Variants in PTPRN2 observed in about 807,000 individuals in gnomAD.
PTPRN2 encodes protein tyrosine phosphatase receptor type N2, also known as receptor-type tyrosine-protein phosphatase N2.
Under a neutral mutation model 118.8 loss-of-function variants are expected in PTPRN2, and 74 were observed. The ratio of observed to expected loss-of-function variants is 0.62; its 90% CI spans 0.52 to 0.76. The LOEUF (loss-of-function observed/expected upper bound fraction) is 0.76, where lower values mean the gene tolerates loss of function less well. Among genes scored for constraint, PTPRN2 ranks in the 30% least tolerant of loss-of-function variants. The pLI, the probability that PTPRN2 is intolerant of heterozygous loss-of-function variation, is 0.00. For missense variants in PTPRN2, 1,481 were observed against 1,394.4 expected (o/e 1.06, Z -0.99); for synonymous variants, 641 against 608.0 (o/e 1.05, Z -0.80).
At chr7:158,257,100 G>A (rs1465590930) in intron 3 of PTPRN2, among the ~76,000 whole-genome samples, 1 of 152,268 alleles carries the variant, frequency 6.6e-6, no homozygotes, top group Middle Eastern at 3.4e-3. Flanking sequence ...TTGAAATGGA[G>A]TTGAATGAGG....
intron 2 of PTPRN2, among the ~76,000 whole-genome samples, chr7:158,385,199 C>T (rs1243507436): frequency 6.6e-6 from 1 of 152,156 alleles, no homozygotes; most frequent in African/African-American, 2.4e-5. Context: ...CCAATCATAC[C>T]ACACTATGTG....
At chr7:157,823,500 T>C (rs1239442217) in intron 12 of PTPRN2, among the ~76,000 whole-genome samples, 2 of 152,356 alleles carry the variant, frequency 1.3e-5, no homozygotes, top group East Asian at 3.9e-4. Context: ...ACAGCTGGAC[T>C]CCATCTATTA....
At chr7:158,075,427 T>C (rs1812264262) in intron 11 of PTPRN2, among the ~76,000 whole-genome samples, 1 of 152,044 alleles carries the variant, frequency 6.6e-6, no homozygotes, top group Non-Finnish European at 1.5e-5. Context: ...TGGGAGTTCT[T>C]GTTCCATGTC....
intron 12 of PTPRN2, among the ~76,000 whole-genome samples, chr7:157,800,588 T>C (rs1323305773): frequency 2.0e-5 from 3 of 152,230 alleles, no homozygotes; most frequent in African/African-American, 4.8e-5. Flanking sequence ...CTCTTGTACC[T>C]TGTTCACTTA....
Position 158,146,337 on chromosome 7 carries a change from G to A in PTPRN2, c.911-7822C>T, listed in dbSNP as rs147491369. Among the ~76,000 whole-genome samples the A allele has an allele frequency of 8.0e-3, 1,211 of 152,174 alleles. 21 individuals are homozygous for A. The highest frequency in any genetic ancestry group is 0.027 in the African/African-American group (1,121 of 41,520). On this transcript the variant is annotated intron_variant, in intron 6 of 22. Transcript: ENST00000389418. ...TCATTAAAGTCAAAGCCCAGTCTCC[G>A]TCCATCCCTCCACCCACTAACCTAC...
At chr7:158,045,793 G>T (rs1202793426) in intron 11 of PTPRN2, among the ~76,000 whole-genome samples, 1 of 150,666 alleles carries the variant, frequency 6.6e-6, no homozygotes, top group Non-Finnish European at 1.5e-5. Context: ...TCCAGGAGCA[G>T]AACCTGCGAT....
At position 158,134,012 on chromosome 7, in the gene PTPRN2, C is replaced by T; in HGVS notation, c.1221G>A (p.Gly407=). 4 of 1,614,008 alleles carry T rather than the reference C, an allele frequency of 2.5e-6. No individual in the cohort carries two copies. Among genetic ancestry groups the T allele is most frequent in the Non-Finnish European group, 3.4e-6 (4 of 1,180,042 alleles). The change falls in exon 9 of 23, where the codon GGG becomes GGA. Residue 407 remains glycine, a synonymous_variant. Coordinates refer to ENST00000389418, the MANE Select transcript of PTPRN2 (RefSeq NM_002847.5). ...GGAGGGCTCCAGGTAAGAGTCGAGA[C>T]CCGTGGTCCTGCAGGAGGCCCCCGA... ...ATLGGLLQDH[G]SRLLPGALPF... is the part of the protein sequence containing the mutation.
chr7:158,004,130 C>T (rs139303478), intron 11 of PTPRN2, among the ~76,000 whole-genome samples: 2 of 151,658 alleles, frequency 1.3e-5, no homozygotes, highest in East Asian at 3.9e-4. Context: ...GTTAATGCTT[C>T]CAGTGCCCAA....
chr7:158,341,611 C>T (rs1198742637), intron 2 of PTPRN2, among the ~76,000 whole-genome samples: 1 of 88,242 alleles, frequency 1.1e-5, no homozygotes. Flanking sequence ...TCACTCACAC[C>T]CACACTCTCA....
chr7:157,826,510 C>T (rs1222680105), intron 12 of PTPRN2, among the ~76,000 whole-genome samples: 2 of 101,646 alleles, frequency 2.0e-5, no homozygotes, highest in East Asian at 3.2e-4. Context: ...GACGGCAGCA[C>T]GAACACGATC....
At chr7:158,222,394 A>G (rs1370327774) in intron 3 of PTPRN2, among the ~76,000 whole-genome samples, 3 of 152,210 alleles carry the variant, frequency 2.0e-5, no homozygotes, top group Admixed American at 2.0e-4. Flanking sequence ...CTACACAGCC[A>G]TAAAAATAAT....
intron 11 of PTPRN2, among the ~76,000 whole-genome samples, chr7:158,034,391 G>A (rs1807937029): frequency 6.6e-6 from 1 of 152,240 alleles, no homozygotes; most frequent in Admixed American, 6.5e-5. Context: ...CCAGTGGGAG[G>A]TACCTGAATC....
intron 1 of PTPRN2, among the ~76,000 whole-genome samples, chr7:158,502,445 A>G (rs1380137701): frequency 6.6e-6 from 1 of 152,202 alleles, no homozygotes; most frequent in Non-Finnish European, 1.5e-5. Flanking sequence ...CCACCAGAAC[A>G]CTGTCACAAC....
intron 10 of PTPRN2, 129 bp downstream of exon 10, chr7:158,110,700 T>C: frequency 2.3e-6 from 2 of 854,520 alleles, no homozygotes; most frequent in Non-Finnish European, 3.7e-6. Context: ...TGAAATCACC[T>C]TTCACTTCTC....
At chr7:158,478,216 G>T (rs539064125) in intron 2 of PTPRN2, among the ~76,000 whole-genome samples, 6 of 152,216 alleles carry the variant, frequency 3.9e-5, no homozygotes, top group Non-Finnish European at 7.3e-5. Context: ...TGACTGCTAC[G>T]TCTGGTCCCC....
chr7:157,545,672 C>T (rs221269), intron 22 of PTPRN2, among the ~76,000 whole-genome samples: 146,153 of 152,134 alleles, frequency 0.96, 70,299 homozygotes, highest in Middle Eastern at 1. Flanking sequence ...GCTGGTGAAA[C>T]ATTTTCTATT....
chr7:158,430,014 TCTC>T (rs1441066469), intron 2 of PTPRN2, among the ~76,000 whole-genome samples: 2 of 152,116 alleles, frequency 1.3e-5, no homozygotes, highest in African/African-American at 4.8e-5. Flanking sequence ...TTTAAGCAAT[TCTC>T]CTTCCTCAGC....
At chr7:158,586,259 G>A (rs1828918327) in intron 1 of PTPRN2, among the ~76,000 whole-genome samples, 1 of 152,248 alleles carries the variant, frequency 6.6e-6, no homozygotes, top group Admixed American at 6.5e-5. Flanking sequence ...TCTGGCTTGA[G>A]GGAGGGGAGC....
At chr7:158,019,704 T>C (rs1806720551) in intron 11 of PTPRN2, among the ~76,000 whole-genome samples, 1 of 152,168 alleles carries the variant, frequency 6.6e-6, no homozygotes, top group Admixed American at 6.5e-5. Flanking sequence ...GTGAGCGGGC[T>C]GTGTCCCCTC....
Sources: allele counts gnomAD v4.1 joint callset (sites outside exome capture counted in the v4.1 genomes callset), GRCh38; gene constraint gnomAD v4.1.1; transcripts MANE v1.5; gene names NCBI Gene and HGNC (gene_info 2026-07-23, HGNC 2026-07-21).